PBX4: variants seen among roughly 807,000 people sequenced by gnomAD.
The protein encoded by PBX4 is pre-B-cell leukemia transcription factor 4.
PBX4 carries 26 observed loss-of-function variants against 35.1 expected under a neutral mutation model. The observed-to-expected ratio is 0.74, with a 90% CI of 0.54 to 1.03. The LOEUF is 1.03. PBX4 is among the 50% of genes least tolerant of loss of function. The pLI, the probability that PBX4 is intolerant of heterozygous loss-of-function variation, is 0.00. For synonymous variants in PBX4, 199 were observed against 204.2 expected, an observed-to-expected ratio of 0.97 and a Z score of 0.22; for missense variants, 448 against 504.3, an observed-to-expected ratio of 0.89 and a Z score of 1.07.
At chr19:19,596,148 T>C (rs537880083) in intron 2 of PBX4, among the ~76,000 whole-genome samples, 2 of 151,966 alleles carry the variant, frequency 1.3e-5, no homozygotes, top group Admixed American at 1.3e-4. Flanking sequence ...TCCCAGCACT[T>C]TGGGAGGCTG....
chr19:19,601,044 T>C (rs937066843), intron 1 of PBX4, among the ~76,000 whole-genome samples: 2 of 152,104 alleles, frequency 1.3e-5, no homozygotes, highest in Admixed American at 6.6e-5. Context: ...TTTTTACACA[T>C]GTGGCAGTTA....
intron 1 of PBX4, among the ~76,000 whole-genome samples, chr19:19,613,424 C>T (rs1029312414): frequency 2.8e-5 from 4 of 142,536 alleles, no homozygotes; most frequent in South Asian, 4.4e-4. Context: ...GCCAAGAACA[C>T]GCCAGAGCGA....
intron 5 of PBX4, among the ~76,000 whole-genome samples, chr19:19,565,361 G>A (rs2061335306): frequency 6.6e-6 from 1 of 152,248 alleles, no homozygotes; most frequent in African/African-American, 2.4e-5. Context: ...AACCTGGGAA[G>A]GGGCTGGAAG....
At position 19,611,875 on chromosome 19, in the gene PBX4, G is replaced by A. The variant is rs150881394; in HGVS notation, c.119+6636C>T. On this transcript the variant is annotated intron_variant, in intron 1 of 7. Coordinates refer to ENST00000251203, the MANE Select transcript of PBX4 (RefSeq NM_025245.3). Reference sequence around the variant, plus strand: ...ATTTAGAATGGGTGGGATGGCTCATGACTGTAGTCCCAGCATTTTGGGAGG... The same window carrying A: ...ATTTAGAATGGGTGGGATGGCTCATAACTGTAGTCCCAGCATTTTGGGAGG... Among the ~76,000 whole-genome samples, 52 of 152,118 alleles carry A rather than the reference G, an allele frequency of 3.4e-4. No homozygotes were observed. In the East Asian group the frequency reaches 0.01, roughly 29 times the overall value.
intron 5 of PBX4, among the ~76,000 whole-genome samples, chr19:19,567,618 T>G (rs1210696653): frequency 1.3e-5 from 2 of 152,170 alleles, no homozygotes; most frequent in East Asian, 3.8e-4. Context: ...CACGGGGGTA[T>G]GGCCTGGACC....
At chr19:19,614,978 G>A (rs567228780) in intron 1 of PBX4, among the ~76,000 whole-genome samples, 1 of 151,764 alleles carries the variant, frequency 6.6e-6, no homozygotes, top group South Asian at 2.1e-4. Context: ...TAGCCAATAC[G>A]GTGAAACCCT....
chr19:19,584,926 C>G (rs1281839305), intron 2 of PBX4, among the ~76,000 whole-genome samples: 2 of 152,062 alleles, frequency 1.3e-5, no homozygotes, highest in African/African-American at 4.8e-5. Context: ...GGCCCAAGGG[C>G]TGTTTTATCT....
At chr19:19,599,208 C>T in intron 2 of PBX4, 84 bp downstream of exon 2, 1 of 1,172,598 alleles carries the variant, frequency 8.5e-7, no homozygotes, top group Non-Finnish European at 1.2e-6. Context: ...CTCAGGTGAT[C>T]TGCCCGCCTC....
At position 19,563,377 on chromosome 19, in the gene PBX4, G is replaced by A. The variant is rs370756189; in HGVS notation, c.1032+132C>T. 26 of 669,318 alleles carry A rather than the reference G, an allele frequency of 3.9e-5. No homozygotes were observed. The highest frequency in any genetic ancestry group is 8.4e-4 in the Middle Eastern group (2 of 2,390). 41.5% of individuals were successfully genotyped at this position (669,318 alleles called of 1,614,324 possible). ...GCAGAGCTGTGCCCCAGAGGTGGCC[G>A]CGCAGCATGGCCTGTGTGGCTGCTG... On this transcript the variant is annotated intron_variant, in intron 7 of 7. Transcript: ENST00000251203. This position sits in a 1 kb window ranked among gnomAD's most constrained non-coding sequence, Gnocchi z 5.1.
intron 2 of PBX4, among the ~76,000 whole-genome samples, chr19:19,581,417 C>A (rs2061453065): frequency 6.6e-6 from 1 of 152,182 alleles, no homozygotes; most frequent in South Asian, 2.1e-4. Flanking sequence ...CCCGTAAGAG[C>A]TGGGGTGGAA....
intron 2 of PBX4, among the ~76,000 whole-genome samples, chr19:19,596,290 G>A (rs950519280): frequency 2.6e-5 from 4 of 151,888 alleles, no homozygotes; most frequent in Non-Finnish European, 5.9e-5. Context: ...CTCAGAGGCT[G>A]AGGCAGGAGA....
At chr19:19,572,358 C>T (rs2061389486) in intron 2 of PBX4, among the ~76,000 whole-genome samples, 1 of 151,804 alleles carries the variant, frequency 6.6e-6, no homozygotes, top group Non-Finnish European at 1.5e-5. Flanking sequence ...CAGGCATGAC[C>T]CACCGTACCG....
chr19:19,591,410 A>G (rs2061526984), intron 2 of PBX4, among the ~76,000 whole-genome samples: 1 of 152,238 alleles, frequency 6.6e-6, no homozygotes. Flanking sequence ...AGCAAGGCCA[A>G]TCATTAGTCA....
chr19:19,565,433 C>T (rs1309452478), intron 5 of PBX4, among the ~76,000 whole-genome samples: 4 of 152,124 alleles, frequency 2.6e-5, no homozygotes, highest in Non-Finnish European at 4.4e-5. Flanking sequence ...ATGCAGCAGG[C>T]GGCAGGTTAC....
At chr19:19,592,894 G>A (rs1235808577) in intron 2 of PBX4, among the ~76,000 whole-genome samples, 1 of 152,166 alleles carries the variant, frequency 6.6e-6, no homozygotes, top group Non-Finnish European at 1.5e-5. Context: ...TGAGGACAGT[G>A]TACGGGGTGG....
At chr19:19,614,410 G>A (rs1027288403) in intron 1 of PBX4, among the ~76,000 whole-genome samples, 7 of 151,194 alleles carry the variant, frequency 4.6e-5, no homozygotes, top group African/African-American at 1.5e-4. Flanking sequence ...AAGGCGGGTA[G>A]ATCATCTGAG....
At chr19:19,599,461 C>T (rs1422126944) in intron 1 of PBX4, 96 bp from the exon 2 acceptor site, 56 of 987,538 alleles carry the variant, frequency 5.7e-5, no homozygotes, top group South Asian at 9.5e-5. Flanking sequence ...TCAAACCAAA[C>T]GAGATCTGCC....
intron 1 of PBX4, among the ~76,000 whole-genome samples, chr19:19,609,795 G>A (rs1281578482): frequency 2.0e-5 from 3 of 152,122 alleles, no homozygotes; most frequent in Non-Finnish European, 4.4e-5. Flanking sequence ...AGCTTGCAGT[G>A]AGCCGAGATT....
At chr19:19,605,862 T>TA (rs2061627965) in intron 1 of PBX4, among the ~76,000 whole-genome samples, 1 of 150,714 alleles carries the variant, frequency 6.6e-6, no homozygotes, top group Non-Finnish European at 1.5e-5. Context: ...TTTTTTTTTT[T>TA]TACCAGTTTT....
Sources: gnomAD v4.1 joint callset for allele counts (sites outside exome capture counted in the v4.1 genomes callset) on GRCh38, gnomAD v4.1.1 for gene constraint, Gnocchi (gnomAD v3.1) non-coding constraint, MANE v1.5 for transcripts, NCBI Gene and HGNC (gene_info 2026-07-23, HGNC 2026-07-21) for gene names.